The following CPEB1 variants were observed in gnomAD, a reference collection of about 807,000 sequenced individuals.
CPEB1 encodes cytoplasmic polyadenylation element-binding protein 1.
Under a neutral mutation model 65.8 loss-of-function variants are expected in CPEB1, and 7 were observed. That is an observed-to-expected ratio of 0.11 (90% CI 0.06 to 0.20). The LOEUF is 0.20. Ranked by LOEUF, CPEB1 falls within the 10% of genes least tolerant of loss-of-function variation. The pLI, the probability that CPEB1 is intolerant of heterozygous loss-of-function variation, is 1.00. For missense variants in CPEB1, 551 were observed against 712.2 expected (o/e 0.77, Z 2.58); for synonymous variants, 262 against 260.0 (o/e 1.01, Z -0.08).
chr15:82,637,081 G>A (rs1303340803), intron 1 of CPEB1, among the ~76,000 whole-genome samples: 1 of 152,212 alleles, frequency 6.6e-6, no homozygotes, highest in Non-Finnish European at 1.5e-5. Flanking sequence ...TGATGCAGAA[G>A]AGGGAACTTG....
chr15:82,583,449 A>G (rs1436351911), intron 3 of CPEB1: 1 of 152,234 alleles, frequency 6.6e-6, no homozygotes, highest in African/African-American at 2.4e-5. Context: ...TTACAGTGCC[A>G]ATCACGACTG....
At chr15:82,562,154 C>CTT (rs66642827) in intron 4 of CPEB1, 124 of 415,732 alleles carry the variant, frequency 3.0e-4, no homozygotes, top group Admixed American at 5.0e-4. Context: ...TCACTAGCTA[C>CTT]TTTTTTTTTT....
chr15:82,552,663 C>T (rs2036473747), intron 8 of CPEB1, 47 bp from the exon 9 acceptor site: 1 of 1,601,822 alleles, frequency 6.2e-7, no homozygotes, highest in African/African-American at 1.3e-5. Context: ...CTTAGGTGGC[C>T]ACTCCTCAGC....
chr15:82,557,700 C>T (rs2037470087), intron 5 of CPEB1, 60 bp downstream of exon 5: 6 of 1,439,900 alleles, frequency 4.2e-6, no homozygotes, highest in Middle Eastern at 2.1e-4. Context: ...ACCCTCCTTC[C>T]CCTTGGACAC....
At chr15:82,546,375 G>A (rs1354901528) in intron 12 of CPEB1, 66 bp downstream of exon 12, 22 of 1,325,564 alleles carry the variant, frequency 1.7e-5, no homozygotes, top group Non-Finnish European at 2.3e-5. Context: ...GATTACAGGT[G>A]TGAACCACCG....
At chr15:82,637,116 C>T (rs967817952) in intron 1 of CPEB1, among the ~76,000 whole-genome samples, 15 of 152,174 alleles carry the variant, frequency 9.9e-5, no homozygotes, top group African/African-American at 3.6e-4. Flanking sequence ...GATTTAAGCC[C>T]CAGTGCTCCA....
chr15:82,617,908 T>G (rs896729629), intron 3 of CPEB1, among the ~76,000 whole-genome samples: 4 of 151,438 alleles, frequency 2.6e-5, no homozygotes, highest in African/African-American at 9.7e-5. Context: ...TAATTTTTTG[T>G]ATTTTTAGTA....
intron 5 of CPEB1, among the ~76,000 whole-genome samples, chr15:82,557,040 G>T (rs986353191): frequency 2.0e-5 from 3 of 152,152 alleles, no homozygotes; most frequent in African/African-American, 7.2e-5. Flanking sequence ...TTCTTATTTT[G>T]GGGTAATTTC....
At chr15:82,630,605 CA>C (rs1195849573) in intron 1 of CPEB1, among the ~76,000 whole-genome samples, 43 of 144,886 alleles carry the variant, frequency 3.0e-4, no homozygotes, top group Admixed American at 3.5e-4. Context: ...GACCCTGTCT[CA>C]AAAAAAAAAA....
intron 3 of CPEB1, among the ~76,000 whole-genome samples, chr15:82,617,601 G>A (rs2044844863): frequency 6.6e-6 from 1 of 152,004 alleles, no homozygotes; most frequent in Admixed American, 6.6e-5. Flanking sequence ...TTCACTAGGT[G>A]TGACAAATGC....
chr15:82,647,970 C>T, upstream of CPEB1: 3 of 939,490 alleles, frequency 3.2e-6, no homozygotes, highest in Non-Finnish European at 4.1e-6. Context: ...GGGCCGCGCG[C>T]AGCCCCGCAC....
upstream of CPEB1, chr15:82,648,200 A>G (rs1487414420): frequency 6.9e-6 from 2 of 291,802 alleles, no homozygotes; most frequent in African/African-American, 2.2e-5. Context: ...CCAGAGACCT[A>G]AGCCTGAGCG....
intron 3 of CPEB1, among the ~76,000 whole-genome samples, chr15:82,601,784 T>C (rs1364477015): frequency 6.9e-6 from 1 of 145,396 alleles, no homozygotes; most frequent in Non-Finnish European, 1.5e-5. Context: ...AGAAATGCAT[T>C]TCATAAGTAT....
Position 82,550,515 on chromosome 15 carries a change from A to G in CPEB1, c.1282-857T>C, listed in dbSNP as rs2036052638. ...GACAGCATAAGCAGGATGGGCAAGC[A>G]AGGAAGAATCAGGCCTGGTAGGTGC... On this transcript the variant is annotated intron_variant, in intron 9 of 12. Coordinates refer to ENST00000684509, the MANE Select transcript of CPEB1 (RefSeq NM_001365242.1). Among the ~76,000 whole-genome samples the G allele has an allele frequency of 4.6e-5, 7 of 152,242 alleles. No individual in the cohort carries two copies. The South Asian group carries it at 1.4e-3, about 31-fold the overall frequency.
intron 1 of CPEB1, among the ~76,000 whole-genome samples, chr15:82,631,792 T>G (rs1266727042): frequency 2.6e-5 from 4 of 152,108 alleles, no homozygotes; most frequent in African/African-American, 9.7e-5. Context: ...GCAAGAGATA[T>G]GATTCAAATA....
At chr15:82,644,533 T>A (rs141193089) in intron 1 of CPEB1, among the ~76,000 whole-genome samples, 217 of 152,324 alleles carry the variant, frequency 1.4e-3, no homozygotes, top group African/African-American at 4.9e-3. Context: ...ACATTTGGTC[T>A]ATAGTGTTTA....
At chr15:82,572,810 A>G (rs1210099142) in intron 3 of CPEB1, among the ~76,000 whole-genome samples, 1 of 152,186 alleles carries the variant, frequency 6.6e-6, no homozygotes, top group Non-Finnish European at 1.5e-5. Context: ...GGTGCTGCAC[A>G]AGACCAATGC....
chr15:82,632,437 TG>T, intron 1 of CPEB1, among the ~76,000 whole-genome samples: 1 of 152,318 alleles, frequency 6.6e-6, no homozygotes, highest in Admixed American at 6.5e-5. Context: ...TGTGACATAC[TG>T]GTGTTCCAAA....
At chr15:82,611,921 C>G in intron 3 of CPEB1, among the ~76,000 whole-genome samples, 1 of 151,482 alleles carries the variant, frequency 6.6e-6, no homozygotes, top group Non-Finnish European at 1.5e-5. Flanking sequence ...CAAAAAAAAG[C>G]AAACGTAATG....
Sources: gnomAD v4.1 joint callset for allele counts (sites outside exome capture counted in the v4.1 genomes callset) on GRCh38, gnomAD v4.1.1 for gene constraint, MANE v1.5 for transcripts, NCBI Gene and HGNC (gene_info 2026-07-23, HGNC 2026-07-21) for gene names.